The following SMYD4 variants were observed in gnomAD, a reference collection of about 807,000 sequenced individuals.
SMYD4 encodes SET and MYND domain containing 4, also known as protein-lysine N-methyltransferase SMYD4.
Under a neutral mutation model 72.8 loss-of-function variants are expected in SMYD4, and 68 were observed. The observed-to-expected ratio is 0.93, with a 90% CI of 0.77 to 1.14. The LOEUF (loss-of-function observed/expected upper bound fraction) is 1.14. Among genes scored for constraint, SMYD4 ranks in the 50% most tolerant of loss-of-function variants. The pLI, the probability that SMYD4 is intolerant of heterozygous loss-of-function variation, is 0.00. For missense variants in SMYD4, 984 were observed against 1,003.7 expected (o/e 0.98, Z 0.27); for synonymous variants, 407 against 388.6 (o/e 1.05, Z -0.56).
intron 5 of SMYD4, among the ~76,000 whole-genome samples, chr17:1,790,908 C>T (rs953913709): frequency 3.4e-5 from 5 of 149,020 alleles, no homozygotes; most frequent in Admixed American, 6.7e-5. Flanking sequence ...GGGTGGATCA[C>T]GAGGTCAGGA....
chr17:1,817,729 T>G (rs1597395167), intron 2 of SMYD4, among the ~76,000 whole-genome samples: 4 of 152,146 alleles, frequency 2.6e-5, no homozygotes, highest in Admixed American at 2.6e-4. Flanking sequence ...CTAAATCCAA[T>G]GTCAAGATTT....
intron 2 of SMYD4, among the ~76,000 whole-genome samples, chr17:1,819,403 T>G (rs976838183): frequency 6.6e-6 from 1 of 152,128 alleles, no homozygotes; most frequent in Non-Finnish European, 1.5e-5. Context: ...ATCTATATAC[T>G]TCTTGTTGCC....
At chr17:1,787,029 G>A (rs561156814) in intron 6 of SMYD4, 56 bp from the exon 7 acceptor site, 10 of 1,594,534 alleles carry the variant, frequency 6.3e-6, no homozygotes, top group East Asian at 2.2e-5. Context: ...CAAACACTAC[G>A]TAAAAACCTT....
chr17:1,794,141 G>C (rs1411456815), intron 5 of SMYD4, among the ~76,000 whole-genome samples: 1 of 46,262 alleles, frequency 2.2e-5, no homozygotes, highest in Non-Finnish European at 3.9e-5. Context: ...ATGGAGTTTT[G>C]CTCTGTCACC....
intron 2 of SMYD4, among the ~76,000 whole-genome samples, chr17:1,825,874 G>C (rs1324951566): frequency 1.3e-5 from 2 of 151,746 alleles, no homozygotes; most frequent in African/African-American, 2.4e-5. Flanking sequence ...AGGAAGACAG[G>C]AGGATCGCTT....
At position 1,800,674 on chromosome 17, in the gene SMYD4, A is replaced by T; in HGVS notation, c.720T>A (p.Asp240Glu). The change falls in exon 5 of 11, where the codon GAT becomes GAA. Residue 240 changes from aspartate to glutamate, a missense_variant. Coordinates refer to ENST00000305513, the MANE Select transcript of SMYD4 (RefSeq NM_052928.3). ...NASSSIGLCV[D>E]PLKGRCLVAT... The stretch of plus-strand genomic sequence containing the variant: ...CAACGAGACAGCGACCTTTTAAAGG[A>T]TCTACGCATAAGCCGATGGATGATG... 6.2e-7 allele frequency: 1 copy of T among 1,614,170 alleles called. No individual in the cohort carries two copies. The highest frequency in any genetic ancestry group is 8.5e-7 in the Non-Finnish European group (1 of 1,180,030).
chr17:1,803,670 T>C (rs149612500), intron 4 of SMYD4, among the ~76,000 whole-genome samples: 3,026 of 152,050 alleles, frequency 0.02, 115 homozygotes, highest in African/African-American at 0.069. Flanking sequence ...AGCTGATTTT[T>C]GTATTTTTAG....
At chr17:1,781,585 C>T (rs1218031718) in intron 10 of SMYD4, 146 bp from the exon 11 acceptor site, 1 of 858,658 alleles carries the variant, frequency 1.2e-6, no homozygotes, top group Admixed American at 3.4e-5. Context: ...GACACTGTCA[C>T]AAACACGCTG....
At chr17:1,805,729 T>C (rs113516037) in intron 3 of SMYD4, among the ~76,000 whole-genome samples, 122 of 151,300 alleles carry the variant, frequency 8.1e-4, no homozygotes, top group African/African-American at 2.7e-3. Flanking sequence ...GGAGAATTGC[T>C]TGGACTCAGG....
rs1462355082 is a variant in SMYD4, at chr17:1,781,441, T to C, written c.2262-2A>G. 8 of 1,612,748 alleles carry C rather than the reference T, an allele frequency of 5.0e-6. No individual in the cohort carries two copies. The highest frequency in any genetic ancestry group is 1.7e-5 in the Admixed American group (1 of 59,662). The stretch of plus-strand genomic sequence containing the variant: ...CTCAGGGCTTCGGGTACTGCAAACC[T>C]GAGCCAAGGGAGGTAAGAGGAGTTA... On this transcript the variant is annotated splice_acceptor_variant, in intron 10 of 10. Transcript: ENST00000305513. LOFTEE classifies it high-confidence loss of function.
At chr17:1,811,581 C>T (rs72822478) in intron 3 of SMYD4, among the ~76,000 whole-genome samples, 19,826 of 152,218 alleles carry the variant, frequency 0.13, 1,617 homozygotes, top group African/African-American at 0.23. Flanking sequence ...ATAACACTGG[C>T]TATACAATTT....
At position 1,779,738 on chromosome 17, in the gene SMYD4, AAC is replaced by A. The variant is rs1908273699; in HGVS notation, c.*1546_*1547del. Reference sequence around the variant, plus strand: ...GTCACGGTTCATACTCCACGATTTTAACAAAGGAGTCGAGGAAGCTAGATACT... The same window carrying A: ...GTCACGGTTCATACTCCACGATTTTAAAAGGAGTCGAGGAAGCTAGATACT... On this transcript the variant is annotated 3_prime_UTR_variant, in exon 11 of 11. Coordinates refer to ENST00000305513, the MANE Select transcript of SMYD4 (RefSeq NM_052928.3). The A allele has an allele frequency of 6.6e-6, 1 of 152,394 alleles. No individual in the cohort carries two copies. The highest frequency in any genetic ancestry group is 2.1e-4 in the South Asian group (1 of 4,834). The allele number at this position is 152,394 out of a possible 1,614,324, so 9.4% of individuals were successfully genotyped here. A position where few individuals can be genotyped will look rare whatever the true frequency, so the allele number is the denominator to read the frequency against.
At chr17:1,827,479 G>A (rs2151258726) in intron 2 of SMYD4, among the ~76,000 whole-genome samples, 1 of 152,310 alleles carries the variant, frequency 6.6e-6, no homozygotes, top group East Asian at 1.9e-4. Context: ...ACACAGCATT[G>A]TAAATGTACA....
intron 5 of SMYD4, among the ~76,000 whole-genome samples, chr17:1,790,298 A>C (rs1430121867): frequency 6.6e-6 from 1 of 152,232 alleles, no homozygotes; most frequent in Non-Finnish European, 1.5e-5. Context: ...TATTTATGTC[A>C]GAGTTGAATA....
At chr17:1,802,255 C>A (rs1370053186) in intron 4 of SMYD4, among the ~76,000 whole-genome samples, 1 of 152,066 alleles carries the variant, frequency 6.6e-6, no homozygotes, top group Non-Finnish European at 1.5e-5. Flanking sequence ...TTATGGGAGA[C>A]CGAGGTGGGC....
chr17:1,782,332 C>T (rs1036554511), intron 10 of SMYD4: 6 of 151,928 alleles, frequency 3.9e-5, no homozygotes, highest in Admixed American at 1.3e-4. Context: ...TGGCCTCTTT[C>T]GAATAGATGC....
intron 2 of SMYD4, among the ~76,000 whole-genome samples, chr17:1,816,470 A>G (rs1910600639): frequency 6.6e-6 from 1 of 151,720 alleles, no homozygotes; most frequent in Non-Finnish European, 1.5e-5. Context: ...AATACAAAAA[A>G]GTAGCCAGGT....
intron 5 of SMYD4, among the ~76,000 whole-genome samples, chr17:1,794,106 T>TATATATATATATATATATA (rs1491522927): frequency 9.4e-5 from 1 of 10,628 alleles, no homozygotes; most frequent in African/African-American, 3.9e-4. Context: ...TATATATATA[T>TATATATATATATATATATA]TTTTTTTTTT....
intron 5 of SMYD4, among the ~76,000 whole-genome samples, chr17:1,792,171 T>C (rs1909079071): frequency 6.6e-6 from 1 of 151,496 alleles, no homozygotes; most frequent in Non-Finnish European, 1.5e-5. Context: ...GCCTCCAGAG[T>C]AGCTGGGACT....
Sources: gnomAD v4.1 joint callset for allele counts (sites outside exome capture counted in the v4.1 genomes callset) on GRCh38, gnomAD v4.1.1 for gene constraint, MANE v1.5 for transcripts, NCBI Gene and HGNC (gene_info 2026-07-23, HGNC 2026-07-21) for gene names.